NPR3: variants seen among roughly 807,000 people sequenced by gnomAD.
NPR3 encodes the protein natriuretic peptide receptor 3.
Under a neutral mutation model 54.5 loss-of-function variants are expected in NPR3, and 34 were observed. That is an observed-to-expected ratio of 0.62 (90% confidence interval 0.47 to 0.83). The LOEUF is 0.83. Among genes scored for constraint, NPR3 ranks in the 40% least tolerant of loss-of-function variants. The pLI is 0.00. For missense variants in NPR3, 674 were observed against 720.8 expected (o/e 0.94, Z 0.74); for synonymous variants, 289 against 297.1 (o/e 0.97, Z 0.28).
chr5:32,721,380 G>T (rs931214134), intron 1 of NPR3, among the ~76,000 whole-genome samples: 1 of 152,222 alleles, frequency 6.6e-6, no homozygotes, highest in African/African-American at 2.4e-5. Context: ...AAAGAAGGTA[G>T]GCTGGGCGTG....
intron 2 of NPR3, among the ~76,000 whole-genome samples, chr5:32,732,254 A>AG (rs1579622807): frequency 6.7e-6 from 1 of 148,478 alleles, no homozygotes; most frequent in East Asian, 1.9e-4. Context: ...TCTCAAAAAA[A>AG]AAAAAAAAAA....
chr5:32,769,582 C>T (rs1423235174), intron 3 of NPR3, among the ~76,000 whole-genome samples: 2 of 152,208 alleles, frequency 1.3e-5, no homozygotes, highest in Non-Finnish European at 2.9e-5. Context: ...TGCCTGGCAC[C>T]CTTAGTTTCC....
intron 2 of NPR3, among the ~76,000 whole-genome samples, chr5:32,734,423 T>C (rs1462043022): frequency 6.6e-6 from 1 of 152,206 alleles, no homozygotes; most frequent in Non-Finnish European, 1.5e-5. Context: ...TACCCCAACA[T>C]GGGTACCCCT....
intron 4 of NPR3, among the ~76,000 whole-genome samples, chr5:32,778,572 A>C (rs2112060305): frequency 6.6e-6 from 1 of 152,342 alleles, no homozygotes; most frequent in Admixed American, 6.5e-5. Context: ...GTGAGAGGTC[A>C]GAGTGACAAG....
At chr5:32,707,586 G>T (rs1186688217), upstream of NPR3, among the ~76,000 whole-genome samples, 1 of 152,122 alleles carries the variant, frequency 6.6e-6, no homozygotes, top group Non-Finnish European at 1.5e-5. Context: ...TGCCTCTAGG[G>T]GGGAGTGTGT....
chr5:32,691,368 A>G (rs1740384862), intron 1 of NPR3, among the ~76,000 whole-genome samples: 1 of 152,234 alleles, frequency 6.6e-6, no homozygotes, highest in Admixed American at 6.5e-5. Context: ...AGGGAAATCA[A>G]TTATTCAATG....
chr5:32,702,979 T>C lies in NPR3; in HGVS notation c.100+13793T>C, dbSNP rs527239560. Among the ~76,000 whole-genome samples, 534 of 152,318 alleles carry C rather than the reference T, an allele frequency of 3.5e-3. 4 individuals carry two copies. Among genetic ancestry groups the C allele is most frequent in the Non-Finnish European group, 4.0e-3 (271 of 68,026 alleles). On this transcript the variant is annotated intron_variant, in intron 1 of 5. Coordinates refer to the NPR3 transcript ENST00000509104. Reference sequence around the variant, plus strand: ...CTAACTGGTGTGAGATGGTATCTCATTGTGGTTTTGATTTGCATTTCTCTG... The same window carrying C: ...CTAACTGGTGTGAGATGGTATCTCACTGTGGTTTTGATTTGCATTTCTCTG...
chr5:32,696,443 CT>C (rs980641313), intron 1 of NPR3, among the ~76,000 whole-genome samples: 38 of 147,214 alleles, frequency 2.6e-4, no homozygotes, highest in East Asian at 8.0e-4. Context: ...ATTCTTCCAG[CT>C]TTTTTTTTTT....
chr5:32,719,744 T>A (rs1454543802), intron 1 of NPR3, among the ~76,000 whole-genome samples: 2 of 151,976 alleles, frequency 1.3e-5, no homozygotes, highest in Non-Finnish European at 2.9e-5. Context: ...CTTGGATTGA[T>A]CTTCTACTTT....
chr5:32,765,992 G>A (rs1280401210), intron 3 of NPR3, among the ~76,000 whole-genome samples: 3 of 152,226 alleles, frequency 2.0e-5, no homozygotes, highest in South Asian at 4.1e-4. Context: ...TAGGGGTTGC[G>A]GGGGGAACTG....
At chr5:32,707,255 A>G (rs1269670055), upstream of NPR3, among the ~76,000 whole-genome samples, 2 of 152,188 alleles carry the variant, frequency 1.3e-5, no homozygotes, top group Non-Finnish European at 2.9e-5. Context: ...TTAAGGTCAC[A>G]TTTAGCTGCA....
rs1173758 is a variant in NPR3 at position 32,790,729 on chromosome 5, A to G, written c.*4384A>G. 10,693 of 167,020 alleles carry G rather than the reference A, an allele frequency of 0.064. 1,303 individuals are homozygous for G. Among genetic ancestry groups the G allele is most frequent in the African/African-American group, 0.25 (10,238 of 41,508 alleles). 10.3% of individuals were successfully genotyped at this position (167,020 alleles called of 1,614,324 possible). ...ACTAATGTTAATTCATACCAAATGC[A>G]AAGTATTCTAAACCAGCTGATGCTG... On this transcript the variant is annotated 3_prime_UTR_variant, in exon 8 of 8. Coordinates refer to ENST00000265074, the MANE Select transcript of NPR3 (RefSeq NM_001204375.2).
intron 3 of NPR3, among the ~76,000 whole-genome samples, chr5:32,742,378 T>C (rs1221354216): frequency 6.6e-6 from 1 of 152,158 alleles, no homozygotes; most frequent in Non-Finnish European, 1.5e-5. Flanking sequence ...TCCCAGGTAC[T>C]TGGGAAGCTG....
chr5:32,707,974 TGCCACC>T (rs1738040775), upstream of NPR3, among the ~76,000 whole-genome samples: 1 of 148,752 alleles, frequency 6.7e-6, no homozygotes, highest in Admixed American at 6.7e-5. Context: ...TGTAGTAGCT[TGCCACC>T]TTATTGTAGT....
At chr5:32,782,797 C>A in intron 5 of NPR3, 96 bp from the exon 6 acceptor site, 10 of 1,215,988 alleles carry the variant, frequency 8.2e-6, no homozygotes, top group Non-Finnish European at 1.1e-5. Context: ...CAGTTTAGAT[C>A]AGGCTGTACA....
At chr5:32,710,842 C>G, upstream of NPR3, 1 of 1,346,806 alleles carries the variant, frequency 7.4e-7, no homozygotes, top group Non-Finnish European at 9.8e-7. Flanking sequence ...TAGAACCATC[C>G]CTTTCCCCCA....
intron 6 of NPR3, 63 bp from the exon 7 acceptor site, chr5:32,784,733 A>G (rs1742518044): frequency 2.3e-6 from 3 of 1,303,456 alleles, no homozygotes; most frequent in East Asian, 2.3e-5. Context: ...CAATGAATGA[A>G]ACTCGAGGCA....
At chr5:32,692,382 C>A (rs1740414594) in intron 1 of NPR3, among the ~76,000 whole-genome samples, 1 of 151,980 alleles carries the variant, frequency 6.6e-6, no homozygotes, top group Non-Finnish European at 1.5e-5. Flanking sequence ...CATAAAGGAA[C>A]AATAATAAAA....
chr5:32,733,416 C>CATTG (rs1739568415), intron 2 of NPR3, among the ~76,000 whole-genome samples: 1 of 152,094 alleles, frequency 6.6e-6, no homozygotes, highest in South Asian at 2.1e-4. Context: ...TTTTTAAAGG[C>CATTG]ACCGATTGAC....
Sources: gnomAD v4.1 joint callset for allele counts (sites outside exome capture counted in the v4.1 genomes callset) on GRCh38, gnomAD v4.1.1 for gene constraint, MANE v1.5 for transcripts, NCBI Gene and HGNC (gene_info 2026-07-23, HGNC 2026-07-21) for gene names.